Variants in ZNF804A observed in about 807,000 individuals in gnomAD.
ZNF804A encodes zinc finger protein 804A.
In ZNF804A, 2 loss-of-function variants were observed where a neutral mutation model predicts 16.5. The observed-to-expected ratio is 0.12, with a 90% CI of 0.05 to 0.38. The LOEUF is 0.38. Among genes scored for constraint, ZNF804A ranks in the 10% least tolerant of loss-of-function variants. The probability of loss-of-function intolerance (pLI) is 0.99; values close to 1 mark genes in which losing one functional copy is unlikely to be tolerated. For missense variants in ZNF804A, 1,473 were observed against 1,390.7 expected (o/e 1.06, Z -0.94); for synonymous variants, 534 against 489.6 (o/e 1.09, Z -1.20).
rs995660374 is a variant in ZNF804A at position 184,749,624 on chromosome 2, T to C, written c.112-116745T>C. Among the ~76,000 whole-genome samples, 4 of 151,408 alleles carry C rather than the reference T, an allele frequency of 2.6e-5. No homozygotes were observed. In the South Asian group the frequency reaches 8.3e-4, roughly 31 times the overall value. ...GATTCTACATCTAAAAAATATTGTA[T>C]CTTTTTTATGTTTTAACAGTATAAT... On this transcript the variant is annotated intron_variant, in intron 1 of 3. Coordinates refer to ENST00000302277, the MANE Select transcript of ZNF804A (RefSeq NM_194250.2).
chr2:184,611,701 CA>C (rs1473475295), intron 1 of ZNF804A, among the ~76,000 whole-genome samples: 1 of 150,116 alleles, frequency 6.7e-6, no homozygotes, highest in East Asian at 1.9e-4. Flanking sequence ...TTCAAAAAAA[CA>C]GGCATAGTAA....
chr2:184,616,873 C>A (rs1691330319), intron 1 of ZNF804A, among the ~76,000 whole-genome samples: 2 of 152,218 alleles, frequency 1.3e-5, no homozygotes, highest in Non-Finnish European at 2.9e-5. Flanking sequence ...TAAGTGCCCT[C>A]AGATGACTCT....
At position 184,938,518 on chromosome 2, in the gene ZNF804A, A is replaced by G. The variant is rs1685835290; in HGVS notation, c.3122A>G (p.His1041Arg). 3.1e-6 allele frequency: 5 copies of G among 1,614,050 alleles called. No individual in the cohort carries two copies. The highest frequency in any genetic ancestry group is 4.2e-6 in the Non-Finnish European group (5 of 1,179,998). The part of the protein sequence containing the change: ...EQALLIPLEN[H>R]DKFKNVPCEV... Reference sequence around the variant, plus strand: ...GCATTATTGATCCCACTAGAAAACCATGACAAATTCAAAAATGTACCATGT... The same window carrying G: ...GCATTATTGATCCCACTAGAAAACCGTGACAAATTCAAAAATGTACCATGT... Residue 1041 changes from histidine (H) to arginine (R), a missense_variant, in exon 4 of 4, where the codon CAT (histidine) becomes CGT (arginine). Physicochemically the swap from His to Arg is conservative, Grantham distance 29. Coordinates refer to ENST00000302277, the MANE Select transcript of ZNF804A (RefSeq NM_194250.2).
At chr2:184,920,166 T>C (rs1374010865) in intron 2 of ZNF804A, among the ~76,000 whole-genome samples, 1 of 152,070 alleles carries the variant, frequency 6.6e-6, no homozygotes, top group African/African-American at 2.4e-5. Flanking sequence ...GCTATCTATT[T>C]CAAATGGTGC....
chr2:184,775,801 C>T (rs1420260605), intron 1 of ZNF804A, among the ~76,000 whole-genome samples: 1 of 151,520 alleles, frequency 6.6e-6, no homozygotes, highest in Non-Finnish European at 1.5e-5. Flanking sequence ...ATTCTCATTA[C>T]CAAAAATGAA....
rs1183531644 is a variant in ZNF804A at position 184,599,016 on chromosome 2, C to T, written c.57C>T (p.Arg19=). 1.2e-6 allele frequency: 2 copies of T among 1,613,970 alleles called. No homozygotes were observed. The highest frequency in any genetic ancestry group is 1.7e-6 in the Non-Finnish European group (2 of 1,179,974). ...SSTHLSNGHF[R]NIKGVFRGPL... is the part of the protein sequence containing the mutation. ...CGCATCTCAGCAACGGACACTTTCGCAACATCAAGGGAGTTTTCCGGGGCC... is the reference window on the plus strand; with the variant it reads ...CGCATCTCAGCAACGGACACTTTCGTAACATCAAGGGAGTTTTCCGGGGCC... The change falls in exon 1 of 4, where the codon CGC becomes CGT. Residue 19 remains arginine, a synonymous_variant. Coordinates refer to ENST00000302277, the MANE Select transcript of ZNF804A (RefSeq NM_194250.2).
chr2:184,935,898 T>C lies in ZNF804A; in HGVS notation c.502T>C (p.Tyr168His). The change falls in exon 4 of 4, where the codon TAT becomes CAT. Residue 168 changes from tyrosine (Y) to histidine (H), a missense_variant. By Grantham distance (83) the Tyr-to-His change is moderately conservative (BLOSUM62 2). Coordinates refer to ENST00000302277, the MANE Select transcript of ZNF804A (RefSeq NM_194250.2). ...AGTTAATAACCAGCAAGATTTCAAA[T>C]ATACTTTGATTCATAGTGAAGAGAA... The part of the protein sequence containing the change: ...DSVNNQQDFK[Y>H]TLIHSEENTK... The C allele has an allele frequency of 6.2e-7, 1 of 1,613,950 alleles. No homozygotes were observed. The highest frequency in any genetic ancestry group is 8.5e-7 in the Non-Finnish European group (1 of 1,179,898).
chr2:184,814,576 T>C (rs1170590172), intron 1 of ZNF804A, among the ~76,000 whole-genome samples: 1 of 152,064 alleles, frequency 6.6e-6, no homozygotes, highest in Non-Finnish European at 1.5e-5. Flanking sequence ...AATGAGAAAG[T>C]TGTCATGGAA....
chr2:184,726,711 C>A (rs1318415689), intron 1 of ZNF804A, among the ~76,000 whole-genome samples: 7 of 151,384 alleles, frequency 4.6e-5, no homozygotes. Flanking sequence ...AACATGACTC[C>A]AAGAATTTAC....
intron 1 of ZNF804A, among the ~76,000 whole-genome samples, chr2:184,618,853 C>A (rs1313198511): frequency 6.6e-6 from 1 of 152,050 alleles, no homozygotes; most frequent in East Asian, 1.9e-4. Context: ...AATCACTGGG[C>A]TTTGCAGTAC....
chr2:184,698,039 G>T (rs980536167), intron 1 of ZNF804A, among the ~76,000 whole-genome samples: 3 of 151,928 alleles, frequency 2.0e-5, no homozygotes, highest in Non-Finnish European at 2.9e-5. Context: ...CCCTTTAAAA[G>T]GAGGTAAAAG....
chr2:184,897,632 T>A (rs192139400), intron 2 of ZNF804A, among the ~76,000 whole-genome samples: 1 of 152,218 alleles, frequency 6.6e-6, no homozygotes, highest in East Asian at 1.9e-4. Context: ...TCTCCAACAC[T>A]TTTTTATTTC....
At chr2:184,914,215 A>T (rs1158819828) in intron 2 of ZNF804A, among the ~76,000 whole-genome samples, 2 of 152,182 alleles carry the variant, frequency 1.3e-5, no homozygotes, top group East Asian at 3.8e-4. Flanking sequence ...GATACAGGCC[A>T]GCATCTTACA....
chr2:184,879,247 T>G (rs1684768675), intron 2 of ZNF804A, among the ~76,000 whole-genome samples: 1 of 152,044 alleles, frequency 6.6e-6, no homozygotes, highest in African/African-American at 2.4e-5. Context: ...CTATAAATAA[T>G]TGATATCTCC....
At chr2:184,706,320 T>C (rs1693030150) in intron 1 of ZNF804A, among the ~76,000 whole-genome samples, 1 of 152,206 alleles carries the variant, frequency 6.6e-6, no homozygotes, top group African/African-American at 2.4e-5. Context: ...GTATATGTTG[T>C]ACAGGCTCAT....
At chr2:184,636,828 T>A (rs990461832) in intron 1 of ZNF804A, among the ~76,000 whole-genome samples, 23 of 152,314 alleles carry the variant, frequency 1.5e-4, no homozygotes, top group Admixed American at 3.9e-4. Context: ...TGGATCAATG[T>A]ATAATGAAAT....
At chr2:184,769,554 G>A (rs903105308) in intron 1 of ZNF804A, among the ~76,000 whole-genome samples, 6 of 151,822 alleles carry the variant, frequency 4.0e-5, no homozygotes, top group Admixed American at 6.6e-5. Context: ...TTATATAGGC[G>A]AAGAAATGGA....
intron 1 of ZNF804A, among the ~76,000 whole-genome samples, chr2:184,821,545 AAATGAAAATTGAGAAATAGGATCT>A (rs1243459813): frequency 6.6e-6 from 1 of 152,176 alleles, no homozygotes; most frequent in Non-Finnish European, 1.5e-5. Context: ...ATGGCAACAA[AAATGAAAATTGAGAAATAGGATCT>A]AATTAAACTA....
At chr2:184,764,965 A>C (rs552846867) in intron 1 of ZNF804A, among the ~76,000 whole-genome samples, 17 of 152,296 alleles carry the variant, frequency 1.1e-4, no homozygotes, top group African/African-American at 2.9e-4. Context: ...ACAAAAAAAA[A>C]CTATTTTTTT....
Sources: allele counts gnomAD v4.1 joint callset (sites outside exome capture counted in the v4.1 genomes callset), GRCh38; gene constraint gnomAD v4.1.1; transcripts MANE v1.5; gene names NCBI Gene and HGNC (gene_info 2026-07-23, HGNC 2026-07-21).